Variants in ACAP2 observed in about 807,000 individuals in gnomAD.
ACAP2 encodes the protein arf-GAP with coiled-coil, ANK repeat and PH domain-containing protein 2.
Under a neutral mutation model 115.8 loss-of-function variants are expected in ACAP2, and 39 were observed. The ratio of observed to expected loss-of-function variants is 0.34; its 90% CI spans 0.26 to 0.44. ACAP2 has a LOEUF of 0.44. ACAP2 is among the 20% of genes least tolerant of loss of function. The pLI is 1.00. For missense variants in ACAP2, 662 were observed against 927.6 expected, an observed-to-expected ratio of 0.71 and a Z score of 3.72; for synonymous variants, 289 against 315.8, an observed-to-expected ratio of 0.92 and a Z score of 0.90.
intron 8 of ACAP2, among the ~76,000 whole-genome samples, chr3:195,329,147 C>G (rs900316692): frequency 6.6e-6 from 1 of 150,768 alleles, no homozygotes; most frequent in South Asian, 2.1e-4. Context: ...AAAGTGGGGA[C>G]AATTCTCCCT....
At chr3:195,342,693 C>G in intron 5 of ACAP2, 39 bp from the exon 6 acceptor site, 1 of 1,536,838 alleles carries the variant, frequency 6.5e-7, no homozygotes, top group Non-Finnish European at 8.7e-7. Flanking sequence ...TTATAACTTG[C>G]TTCATTAAAA....
At chr3:195,290,188 A>G (rs1426033780) in intron 20 of ACAP2, among the ~76,000 whole-genome samples, 2 of 152,106 alleles carry the variant, frequency 1.3e-5, no homozygotes, top group African/African-American at 2.4e-5. Flanking sequence ...CCTGAGCAAC[A>G]TAGCAAAATG....
rs527701654 is a variant in ACAP2, at chr3:195,312,068, T to C, written c.858-3231A>G. On this transcript the variant is annotated intron_variant, in intron 10 of 22. Transcript: ENST00000326793. ...AAAATTTGGGCAGGAAAAGAAAAAA[T>C]ACATAAACAAAAAATTCGAGTTATC... Among the ~76,000 whole-genome samples the C allele has an allele frequency of 4.6e-5, 7 of 151,774 alleles. No individual in the cohort carries two copies. In the East Asian group the frequency reaches 5.8e-4, roughly 13 times the overall value.
chr3:195,365,214 C>T (rs1560290424), intron 4 of ACAP2, among the ~76,000 whole-genome samples: 1 of 152,016 alleles, frequency 6.6e-6, no homozygotes, highest in Non-Finnish European at 1.5e-5. Context: ...TATTTGCTAG[C>T]ACAACAAGGT....
chr3:195,390,904 CTG>C (rs1404908631), intron 2 of ACAP2, among the ~76,000 whole-genome samples: 1 of 152,268 alleles, frequency 6.6e-6, no homozygotes, highest in East Asian at 1.9e-4. Context: ...GGATCGGAAG[CTG>C]TCTTACTCAT....
intron 11 of ACAP2, 22 bp downstream of exon 11, chr3:195,308,764 G>T: frequency 1.9e-6 from 3 of 1,592,584 alleles, no homozygotes; most frequent in Non-Finnish European, 2.6e-6. Context: ...AACTCACTGG[G>T]GTTTCATTTA....
intron 13 of ACAP2, 109 bp from the exon 14 acceptor site, chr3:195,302,283 T>G: frequency 2.1e-6 from 2 of 967,806 alleles, no homozygotes; most frequent in Non-Finnish European, 3.1e-6. Context: ...TAAAGGCCTG[T>G]TACAGGCATA....
intron 4 of ACAP2, among the ~76,000 whole-genome samples, chr3:195,373,090 T>G (rs1560299137): frequency 6.6e-6 from 1 of 150,942 alleles, no homozygotes; most frequent in Non-Finnish European, 1.5e-5. Flanking sequence ...TAATTTTGCA[T>G]ACTGATAGTG....
intron 21 of ACAP2, 51 bp from the exon 22 acceptor site, chr3:195,285,908 C>CT (rs1726815985): frequency 2.4e-5 from 33 of 1,366,226 alleles, no homozygotes; most frequent in Non-Finnish European, 3.3e-5. Context: ...ATATAAATGT[C>CT]ATAAATAAAG....
chr3:195,333,298 C>T (rs1730297475), intron 7 of ACAP2, among the ~76,000 whole-genome samples, 175 bp from the exon 8 acceptor site: 1 of 152,238 alleles, frequency 6.6e-6, no homozygotes, highest in Admixed American at 6.5e-5. Flanking sequence ...ACCTCCCAGG[C>T]TCAGGTGATT....
intron 22 of ACAP2, chr3:195,282,322 CACTG>C (rs1434522424): frequency 2.0e-5 from 3 of 152,184 alleles, no homozygotes; most frequent in African/African-American, 7.2e-5. Context: ...TCATTGGTTT[CACTG>C]ACTGAATACA....
intron 4 of ACAP2, among the ~76,000 whole-genome samples, chr3:195,373,759 A>G (rs1733332236): frequency 6.6e-6 from 1 of 152,020 alleles, no homozygotes; most frequent in Non-Finnish European, 1.5e-5. Flanking sequence ...GTGAAAGCCC[A>G]TCTCTACTAA....
At chr3:195,360,210 G>T (rs1221646179) in intron 4 of ACAP2, among the ~76,000 whole-genome samples, 1 of 151,694 alleles carries the variant, frequency 6.6e-6, no homozygotes, top group Non-Finnish European at 1.5e-5. Context: ...GAAACCAAAA[G>T]GAACAGAAAC....
chr3:195,424,944 A>C (rs866184759), intron 1 of ACAP2, among the ~76,000 whole-genome samples: 46 of 127,710 alleles, frequency 3.6e-4, no homozygotes, highest in Middle Eastern at 7.6e-3. Context: ...AAAAAAAAAA[A>C]GGTTTTAAGA....
chr3:195,359,836 G>T (rs184408383), intron 4 of ACAP2, among the ~76,000 whole-genome samples: 2 of 152,042 alleles, frequency 1.3e-5, no homozygotes, highest in African/African-American at 4.8e-5. Context: ...ATTTGCTACC[G>T]TAAGATACTA....
At chr3:195,415,649 A>G (rs1281359586) in intron 1 of ACAP2, among the ~76,000 whole-genome samples, 2 of 152,232 alleles carry the variant, frequency 1.3e-5, no homozygotes, top group African/African-American at 4.8e-5. Flanking sequence ...GAGATACCAG[A>G]TAAACCACTT....
At chr3:195,292,778 C>G (rs1311779637) in intron 18 of ACAP2, among the ~76,000 whole-genome samples, 6 of 151,732 alleles carry the variant, frequency 4.0e-5, no homozygotes, top group Non-Finnish European at 8.8e-5. Context: ...AAAAATTAAC[C>G]AGGCATGGTA....
At chr3:195,377,136 A>ATTTT (rs1478091442) in intron 4 of ACAP2, among the ~76,000 whole-genome samples, 4 of 89,712 alleles carry the variant, frequency 4.5e-5, no homozygotes, top group African/African-American at 1.8e-4. Context: ...AGGAATGTAA[A>ATTTT]TCTTTTTTTT....
chr3:195,314,713 AT>A (rs1269017970), intron 10 of ACAP2, among the ~76,000 whole-genome samples: 1 of 152,252 alleles, frequency 6.6e-6, no homozygotes, highest in African/African-American at 2.4e-5. Flanking sequence ...TCCCAAAAAA[AT>A]ATTTAAATAG....
Sources: allele counts gnomAD v4.1 joint callset (sites outside exome capture counted in the v4.1 genomes callset), GRCh38; gene constraint gnomAD v4.1.1; transcripts MANE v1.5; gene names NCBI Gene and HGNC (gene_info 2026-07-23, HGNC 2026-07-21).